PRKG1: variants seen among roughly 807,000 people sequenced by gnomAD.
PRKG1 encodes protein kinase cGMP-dependent 1.
In PRKG1, 35 loss-of-function variants were observed where a neutral mutation model predicts 88.1. That is an observed-to-expected ratio of 0.40 (90% CI 0.30 to 0.53). PRKG1 has a LOEUF of 0.53. Ranked by LOEUF, PRKG1 falls within the 20% of genes least tolerant of loss-of-function variation. The probability of loss-of-function intolerance (pLI) is 0.59; values close to 1 mark genes in which losing one functional copy is unlikely to be tolerated. For synonymous variants in PRKG1, 303 were observed against 292.5 expected, an observed-to-expected ratio of 1.04 and a Z score of -0.37; for missense variants, 540 against 839.8, an observed-to-expected ratio of 0.64 and a Z score of 4.41.
chr10:51,138,807 C>T (rs1458538533), intron 1 of PRKG1, among the ~76,000 whole-genome samples: 10 of 150,862 alleles, frequency 6.6e-5, no homozygotes, highest in East Asian at 2.0e-4. Context: ...CTCAGCCTCC[C>T]GAGTAGCTGG....
At chr10:51,702,182 A>G (rs925613143) in intron 3 of PRKG1, among the ~76,000 whole-genome samples, 1 of 152,210 alleles carries the variant, frequency 6.6e-6, no homozygotes, top group Non-Finnish European at 1.5e-5. Context: ...CTGAAGGACT[A>G]TGGGACAAAC....
At chr10:51,958,010 T>A (rs1394719448) in intron 5 of PRKG1, among the ~76,000 whole-genome samples, 5 of 152,180 alleles carry the variant, frequency 3.3e-5, no homozygotes, top group Admixed American at 3.3e-4. Context: ...AGAGTATCAT[T>A]GATAATTTTT....
chr10:51,399,340 G>A (rs945757746), intron 2 of PRKG1, among the ~76,000 whole-genome samples: 2 of 152,102 alleles, frequency 1.3e-5, no homozygotes, highest in Admixed American at 1.3e-4. Context: ...TTTCTCCGGA[G>A]AACTCATGAA....
At chr10:52,177,474 G>T (rs1838896845) in intron 9 of PRKG1, among the ~76,000 whole-genome samples, 1 of 152,040 alleles carries the variant, frequency 6.6e-6, no homozygotes, top group African/African-American at 2.4e-5. Context: ...TTTCTTGATT[G>T]TGTCCTTGTC....
intron 3 of PRKG1, among the ~76,000 whole-genome samples, chr10:51,767,321 A>G (rs748212229): frequency 7.9e-5 from 12 of 152,128 alleles, no homozygotes; most frequent in Admixed American, 1.3e-4. Context: ...ACTAAATAGT[A>G]TGTAGAATTT....
intron 7 of PRKG1, among the ~76,000 whole-genome samples, chr10:52,117,200 G>A (rs891830323): frequency 6.8e-6 from 1 of 146,740 alleles, no homozygotes; most frequent in Middle Eastern, 3.5e-3. Flanking sequence ...GTGTGTGTGT[G>A]TATGATTGGT....
chr10:51,394,527 C>T (rs1312489676), intron 2 of PRKG1, among the ~76,000 whole-genome samples: 1 of 152,194 alleles, frequency 6.6e-6, no homozygotes, highest in Non-Finnish European at 1.5e-5. Flanking sequence ...TTTTAAGAGG[C>T]AGGAGGGGAA....
At chr10:52,004,390 T>G (rs12354901) in intron 5 of PRKG1, among the ~76,000 whole-genome samples, 19,858 of 152,086 alleles carry the variant, frequency 0.13, 1,711 homozygotes, top group Non-Finnish European at 0.18. Context: ...TAAAATATAT[T>G]AAAACAAGAT....
intron 7 of PRKG1, among the ~76,000 whole-genome samples, chr10:52,123,148 A>T (rs1847858761): frequency 6.6e-6 from 1 of 152,210 alleles, no homozygotes; most frequent in Non-Finnish European, 1.5e-5. Flanking sequence ...TGTATGTCAG[A>T]TAAAAAATTC....
At chr10:51,500,442 C>A (rs996908182) in intron 3 of PRKG1, among the ~76,000 whole-genome samples, 1 of 152,096 alleles carries the variant, frequency 6.6e-6, no homozygotes, top group African/African-American at 2.4e-5. Context: ...AGTTAGTGTG[C>A]GGAAAATCTT....
In PRKG1 at chr10:51,947,359, C is replaced by T. The variant is rs939560762; in HGVS notation, c.762+39789C>T. Among the ~76,000 whole-genome samples the T allele has an allele frequency of 1.4e-4, 21 of 152,208 alleles. 1 individual carries two copies. The East Asian group carries it at 2.3e-3, about 17-fold the overall frequency. ...GGGAGTGACCCGATTTTCCAGGTGC[C>T]GTCTGTCACCCCTTTCTTTGACTAG... On this transcript the variant is annotated intron_variant, in intron 5 of 17. Coordinates refer to ENST00000373980, the MANE Select transcript of PRKG1 (RefSeq NM_006258.4).
At chr10:52,219,859 G>GA (rs1840199674) in intron 9 of PRKG1, among the ~76,000 whole-genome samples, 1 of 152,048 alleles carries the variant, frequency 6.6e-6, no homozygotes, top group Non-Finnish European at 1.5e-5. Context: ...GAGGTGGGGA[G>GA]AAAAAATAAA....
intron 9 of PRKG1, among the ~76,000 whole-genome samples, chr10:52,191,329 A>ATTT (rs34410355): frequency 1.4e-5 from 2 of 138,336 alleles, no homozygotes; most frequent in Non-Finnish European, 3.1e-5. Flanking sequence ...TGCTCCAGCT[A>ATTT]TTTTTTTTTT....
chr10:52,072,883 T>G (rs1222341199), intron 7 of PRKG1, among the ~76,000 whole-genome samples: 2 of 152,214 alleles, frequency 1.3e-5, no homozygotes, highest in Non-Finnish European at 2.9e-5. Context: ...CTCTTTGTGA[T>G]GATGACAAAG....
intron 5 of PRKG1, among the ~76,000 whole-genome samples, chr10:51,980,719 C>T (rs971455795): frequency 1.3e-5 from 2 of 152,078 alleles, no homozygotes; most frequent in African/African-American, 4.8e-5. Flanking sequence ...TGAATTGAAC[C>T]CTTTACCATT....
chr10:51,961,259 G>C (rs1170206514), intron 5 of PRKG1, among the ~76,000 whole-genome samples: 2 of 152,050 alleles, frequency 1.3e-5, no homozygotes, highest in African/African-American at 4.8e-5. Flanking sequence ...AGTGGGTTCT[G>C]CTGAACCACA....
chr10:51,167,545 T>A (rs1025824604), intron 2 of PRKG1, among the ~76,000 whole-genome samples: 2 of 152,108 alleles, frequency 1.3e-5, no homozygotes, highest in African/African-American at 4.8e-5. Context: ...CTAATAATCT[T>A]GGAAGAAAAA....
intron 3 of PRKG1, among the ~76,000 whole-genome samples, chr10:51,531,632 G>T (rs374776733): frequency 4.0e-4 from 46 of 114,138 alleles, no homozygotes; most frequent in East Asian, 2.5e-3. Context: ...ACTACAAAAA[G>T]AATTCTTTTT....
chr10:51,604,870 TAGTC>T (rs1838717396), intron 3 of PRKG1, among the ~76,000 whole-genome samples: 1 of 152,206 alleles, frequency 6.6e-6, no homozygotes, highest in Admixed American at 6.5e-5. Context: ...ATGCCTGTGT[TAGTC>T]AGCTCAATAG....
Sources: gnomAD v4.1 joint callset for allele counts (sites outside exome capture counted in the v4.1 genomes callset) on GRCh38, gnomAD v4.1.1 for gene constraint, MANE v1.5 for transcripts, NCBI Gene and HGNC (gene_info 2026-07-23, HGNC 2026-07-21) for gene names.